EEFSEC: variants seen among roughly 807,000 people sequenced by gnomAD.
The protein encoded by EEFSEC is selenocysteine-specific elongation factor.
EEFSEC carries 43 observed loss-of-function variants against 42.1 expected under a neutral mutation model. The ratio of observed to expected loss-of-function variants is 1.02; its 90% confidence interval spans 0.80 to 1.32. The LOEUF is 1.32. Among genes scored for constraint, EEFSEC ranks in the 40% most tolerant of loss-of-function variants. The probability of loss-of-function intolerance (pLI) is 0.00; values close to 1 mark genes in which losing one functional copy is unlikely to be tolerated. For synonymous variants in EEFSEC, 354 were observed against 339.1 expected, an observed-to-expected ratio of 1.04 and a Z score of -0.48; for missense variants, 745 against 803.6, an observed-to-expected ratio of 0.93 and a Z score of 0.88.
At chr3:128,209,853 C>T (rs990836264) in intron 1 of EEFSEC, among the ~76,000 whole-genome samples, 1 of 152,188 alleles carries the variant, frequency 6.6e-6, no homozygotes, top group African/African-American at 2.4e-5. Flanking sequence ...GAGACTTGCT[C>T]ATCGTTCAAT....
At chr3:128,261,700 T>TTAC (rs770296043) in intron 2 of EEFSEC, among the ~76,000 whole-genome samples, 21 of 152,108 alleles carry the variant, frequency 1.4e-4, no homozygotes, top group Non-Finnish European at 2.4e-4. Flanking sequence ...GAAACTGAGA[T>TTAC]TGTAGAGGCG....
At chr3:128,391,858 G>C (rs1044276136) in intron 6 of EEFSEC, among the ~76,000 whole-genome samples, 4 of 152,178 alleles carry the variant, frequency 2.6e-5, no homozygotes, top group Middle Eastern at 3.2e-3. Flanking sequence ...GACAAGCAAC[G>C]AATGCAGGAG....
chr3:128,312,397 A>G (rs2066899200), intron 4 of EEFSEC, among the ~76,000 whole-genome samples: 1 of 152,302 alleles, frequency 6.6e-6, no homozygotes, highest in Non-Finnish European at 1.5e-5. Flanking sequence ...GGTCCTGTCC[A>G]ACTGCTGGCT....
intron 2 of EEFSEC, among the ~76,000 whole-genome samples, chr3:128,257,956 C>T (rs986630339): frequency 6.6e-6 from 1 of 152,090 alleles, no homozygotes. Context: ...TTCTACTCTA[C>T]CTTTTATTTG....
chr3:128,376,809 T>C (rs3021461), intron 6 of EEFSEC, among the ~76,000 whole-genome samples: 44,850 of 152,016 alleles, frequency 0.3, 7,034 homozygotes, highest in East Asian at 0.48. Context: ...CTCATGATTC[T>C]TGTGAAAGAG....
chr3:128,419,940 T>C, the EEFSEC span, among the ~76,000 whole-genome samples: 3,617 of 151,916 alleles, frequency 0.024, 140 homozygotes, highest in African/African-American at 0.082. Flanking sequence ...CTGAGTCCTG[T>C]GATGGCCGCA....
downstream of EEFSEC, among the ~76,000 whole-genome samples, chr3:128,413,178 G>A (rs940664879): frequency 3.3e-5 from 5 of 152,218 alleles, no homozygotes; most frequent in East Asian, 1.9e-4. Flanking sequence ...GGGACAGTCC[G>A]AGCTGAGGCC....
chr3:128,380,029 G>A (rs1376089513), intron 6 of EEFSEC, among the ~76,000 whole-genome samples: 1 of 152,230 alleles, frequency 6.6e-6, no homozygotes, highest in Non-Finnish European at 1.5e-5. Flanking sequence ...TAAGGTATAG[G>A]GAGCAAGGTG....
chr3:128,195,869 T>TGGG (rs2065579324), intron 1 of EEFSEC, among the ~76,000 whole-genome samples: 1 of 152,194 alleles, frequency 6.6e-6, no homozygotes, highest in Non-Finnish European at 1.5e-5. Flanking sequence ...CTGGCCCTTC[T>TGGG]CCCAAACAGA....
intron 5 of EEFSEC, among the ~76,000 whole-genome samples, chr3:128,347,477 A>G (rs2067327288): frequency 6.6e-6 from 1 of 152,242 alleles, no homozygotes; most frequent in Non-Finnish European, 1.5e-5. Context: ...TTTTGAGTAC[A>G]GAGAAAGGGA....
chr3:128,295,451 C>CT lies in EEFSEC; in HGVS notation c.786+30693dup, dbSNP rs201911929. ...AGGCATTTTTCTGTACTTCCCCCTA[C>CT]TTTTTTTTTTTTTTTTTTTTTTTGC... is the stretch of plus-strand genomic sequence containing the variant. On this transcript the variant is annotated intron_variant, in intron 4 of 6. Transcript: ENST00000254730. Among the ~76,000 whole-genome samples the CT allele has an allele frequency of 2.4e-3, 154 of 63,996 alleles. 10 individuals carry two copies. Among genetic ancestry groups the CT allele is most frequent in the Middle Eastern group, 0.04 (2 of 50 alleles). 42.0% of individuals were successfully genotyped at this position (63,996 alleles called of 152,430 possible).
chr3:128,279,811 A>T (rs1370865676), intron 4 of EEFSEC, among the ~76,000 whole-genome samples: 1 of 152,168 alleles, frequency 6.6e-6, no homozygotes. Flanking sequence ...GGGGGGACTA[A>T]TTCCTATGCC....
chr3:128,218,667 C>T (rs533343123), intron 1 of EEFSEC, among the ~76,000 whole-genome samples: 7 of 152,214 alleles, frequency 4.6e-5, no homozygotes, highest in East Asian at 3.9e-4. Flanking sequence ...AAGTGTGCTG[C>T]GTGTGTCAGG....
At chr3:128,347,278 G>A (rs1488521859) in intron 5 of EEFSEC, among the ~76,000 whole-genome samples, 1 of 151,970 alleles carries the variant, frequency 6.6e-6, no homozygotes, top group Non-Finnish European at 1.5e-5. Flanking sequence ...AAAAAAAGAA[G>A]AAGAGGGAGC....
At chr3:128,218,635 C>T (rs1352557319) in intron 1 of EEFSEC, among the ~76,000 whole-genome samples, 1 of 152,132 alleles carries the variant, frequency 6.6e-6, no homozygotes. Flanking sequence ...CGTTGGTTTG[C>T]TTGTTCATTG....
At chr3:128,156,775 C>T (rs895722251) in intron 1 of EEFSEC, among the ~76,000 whole-genome samples, 1 of 152,192 alleles carries the variant, frequency 6.6e-6, no homozygotes, top group Non-Finnish European at 1.5e-5. Flanking sequence ...ACTGTTCTAC[C>T]TACTGGCTTT....
chr3:128,153,820 G>C lies in EEFSEC; in HGVS notation c.313G>C (p.Gly105Arg), dbSNP rs1444846548. The C allele has an allele frequency of 1.3e-6, 2 of 1,510,484 alleles. No homozygotes were observed. The highest frequency in any genetic ancestry group is 1.8e-6 in the Non-Finnish European group (2 of 1,135,690). The allele number at this position is 1,510,484 out of a possible 1,614,324, so 93.6% of individuals were successfully genotyped here. A position where few individuals can be genotyped will look rare whatever the true frequency, so the allele number is the denominator to read the frequency against. Residue 105 changes from glycine to arginine, a missense_variant, in exon 1 of 7, where the codon GGC becomes CGC. By Grantham distance (125) the Gly-to-Arg change is moderately radical. Coordinates refer to ENST00000254730, the MANE Select transcript of EEFSEC (RefSeq NM_021937.5). The stretch of plus-strand genomic sequence containing the variant: ...CGCCTCCCTCATCCGGACCATCATC[G>C]GCGGTGAGCGCGGGCCGGGGCGGGA... ...GHASLIRTII[G>R]GAQIIDLMML...
chr3:128,269,456 G>A (rs564220757), intron 4 of EEFSEC, among the ~76,000 whole-genome samples: 2 of 152,380 alleles, frequency 1.3e-5, no homozygotes, highest in Non-Finnish European at 2.9e-5. Flanking sequence ...CATGATTGGT[G>A]GCCAGTGCCT....
At position 128,264,685 on chromosome 3, in the gene EEFSEC, C is replaced by T; in HGVS notation, c.690C>T (p.His230=). The stretch of plus-strand genomic sequence containing the variant: ...GACCGTTCCTCATGTCTGTGGACCA[C>T]TGTTTCTCCATCAAAGGCCAAGGCA... ...PSGPFLMSVD[H]CFSIKGQGTV... is the part of the protein sequence containing the mutation. Residue 230 remains histidine (H), a synonymous_variant, in exon 4 of 7, where the codon CAC becomes CAT. Transcript: ENST00000254730. 6.2e-7 allele frequency: 1 copy of T among 1,614,134 alleles called. No homozygotes were observed. Among genetic ancestry groups the T allele is most frequent in the Non-Finnish European group, 8.5e-7 (1 of 1,180,008 alleles).
Sources: allele counts gnomAD v4.1 joint callset (sites outside exome capture counted in the v4.1 genomes callset), GRCh38; gene constraint gnomAD v4.1.1; transcripts MANE v1.5; gene names NCBI Gene and HGNC (gene_info 2026-07-23, HGNC 2026-07-21).